Variants in SYNC observed in about 807,000 individuals in gnomAD.
SYNC encodes syncoilin, intermediate filament protein.
In SYNC, 38 loss-of-function variants were observed where a neutral mutation model predicts 49.5. That is an observed-to-expected ratio of 0.77 (90% CI 0.59 to 1.01). SYNC has a LOEUF of 1.01. SYNC is among the 50% of genes least tolerant of loss of function. The pLI, the probability that SYNC is intolerant of heterozygous loss-of-function variation, is 0.00. For missense variants in SYNC, 579 were observed against 580.6 expected (o/e 1.00, Z 0.03); for synonymous variants, 201 against 230.8 (o/e 0.87, Z 1.17).
intron 2 of SYNC, among the ~76,000 whole-genome samples, chr1:32,691,760 A>G (rs1650177950): frequency 6.6e-6 from 1 of 152,130 alleles, no homozygotes; most frequent in African/African-American, 2.4e-5. Flanking sequence ...CCTCAGGCTT[A>G]GCTCAGCTGA....
Position 32,681,981 on chromosome 1 carries a change from G to A in SYNC, c.1439-121C>T, listed in dbSNP as rs575511410. The A allele has an allele frequency of 1.0e-4, 88 of 849,714 alleles. 1 individual carries two copies. In the Admixed American group the frequency reaches 1.7e-3, roughly 16 times the overall value. The allele number at this position is 849,714 out of a possible 1,614,324, so 52.6% of individuals were successfully genotyped here. On this transcript the variant is annotated intron_variant, in intron 4 of 4. Transcript: ENST00000409190. ...GATGATCAGGGATGACTTTCCCCTA[G>A]CAAATATTTGGATGCCTCCTGTTTG...
intron 2 of SYNC, among the ~76,000 whole-genome samples, chr1:32,688,833 T>C (rs1650019977): frequency 6.6e-6 from 1 of 151,956 alleles, no homozygotes; most frequent in African/African-American, 2.4e-5. Flanking sequence ...CACTCGCCTC[T>C]GCCTCCCAAA....
At chr1:32,700,138 C>T (rs982590887) in intron 1 of SYNC, among the ~76,000 whole-genome samples, 4 of 152,150 alleles carry the variant, frequency 2.6e-5, no homozygotes, top group East Asian at 1.9e-4. Context: ...TCTAAGCCCA[C>T]GGTGTCCAGC....
At position 32,695,836 on chromosome 1, in the gene SYNC, C is replaced by T; in HGVS notation, c.262G>A (p.Ala88Thr). Residue 88 changes from alanine (A) to threonine (T), a missense_variant, in exon 2 of 5, where the codon GCC becomes ACC. Transcript: ENST00000409190. ...TGCAGAGCCTCATCTGGCTGCATGG[C>T]CTCCTCAATATACAGGGCCTCCTCT... ...KAEEALYIEE[A>T]MQPDEALHVE... The T allele has an allele frequency of 1.3e-6, 2 of 1,551,908 alleles. No individual in the cohort carries two copies. The highest frequency in any genetic ancestry group is 2.4e-5 in the South Asian group (2 of 84,056).
At chr1:32,687,856 T>TTATTATTATTATTATTA (rs1314721282) in intron 2 of SYNC, among the ~76,000 whole-genome samples, 4 of 9,358 alleles carry the variant, frequency 4.3e-4, no homozygotes, top group Non-Finnish European at 6.7e-3. Context: ...ATTATTATTA[T>TTATTATTATTATTATTA]TATTATTTTT....
chr1:32,684,258 T>G lies in SYNC; in HGVS notation c.1358A>C (p.Lys453Thr). The G allele has an allele frequency of 1.2e-6, 2 of 1,614,214 alleles. No homozygotes were observed. Among genetic ancestry groups the G allele is most frequent in the South Asian group, 2.2e-5 (2 of 91,088 alleles). ...GATTTGTATAGCAGCAGAAACTGACTTATAAGTAGAGAGCTCTTCAGCAAG... is the reference window on the plus strand; with the variant it reads ...GATTTGTATAGCAGCAGAAACTGACGTATAAGTAGAGAGCTCTTCAGCAAG... ...LSLAEELSTYKAMLLPKSLEQ... is the reference protein window; with the variant it reads ...LSLAEELSTYTAMLLPKSLEQ... The change falls in exon 3 of 5, where the codon AAG becomes ACG. Residue 453 changes from lysine (K) to threonine (T), a missense_variant and splice_region_variant. By Grantham distance (78) the Lys-to-Thr change is moderately conservative (BLOSUM62 -1). Transcript: ENST00000409190.
upstream of SYNC, chr1:32,702,937 C>T (rs1034206187): frequency 1.0e-4 from 17 of 165,090 alleles, no homozygotes; most frequent in Middle Eastern, 2.6e-3. This position sits in a 1 kb window ranked among gnomAD's most constrained non-coding sequence, Gnocchi z 6.2. Context: ...CCAGCCCCCT[C>T]GTCTTCCCGA....
chr1:32,693,560 A>C (rs564733878), intron 2 of SYNC, among the ~76,000 whole-genome samples: 1 of 152,362 alleles, frequency 6.6e-6, no homozygotes, highest in African/African-American at 2.4e-5. Context: ...AGTACTGCTT[A>C]GAGCACCACA....
chr1:32,680,180 C>A lies in SYNC; in HGVS notation c.*1670G>T. On this transcript the variant is annotated 3_prime_UTR_variant, in exon 5 of 5. Coordinates refer to ENST00000409190, the MANE Select transcript of SYNC (RefSeq NM_030786.3). Reference sequence around the variant, plus strand: ...TCGAAAATCTTGACACCTGACTTTCCAGGATGCACATTTTCATACGTAGAC... The same window carrying A: ...TCGAAAATCTTGACACCTGACTTTCAAGGATGCACATTTTCATACGTAGAC... The A allele has an allele frequency of 9.2e-7, 1 of 1,090,144 alleles. No individual in the cohort carries two copies. The highest frequency in any genetic ancestry group is 1.1e-6 in the Non-Finnish European group (1 of 897,782). The allele number at this position is 1,090,144 out of a possible 1,614,324, so 67.5% of individuals were successfully genotyped here. A position where few individuals can be genotyped will look rare whatever the true frequency, so the allele number is the denominator to read the frequency against.
intron 1 of SYNC, among the ~76,000 whole-genome samples, chr1:32,698,919 T>C (rs1650557173): frequency 6.6e-6 from 1 of 151,608 alleles, no homozygotes; most frequent in Admixed American, 6.6e-5. Flanking sequence ...TAGCCAGGAC[T>C]ACAGGCACGT....
intron 2 of SYNC, among the ~76,000 whole-genome samples, chr1:32,694,315 T>C (rs922826236): frequency 6.6e-6 from 1 of 151,346 alleles, no homozygotes; most frequent in Non-Finnish European, 1.5e-5. Flanking sequence ...GCTGTGATCA[T>C]GCCACTGCAC....
At chr1:32,689,942 A>C (rs866802627) in intron 2 of SYNC, among the ~76,000 whole-genome samples, 1,759 of 144,166 alleles carry the variant, frequency 0.012, 13 homozygotes, top group Middle Eastern at 0.025. Context: ...ACCGTCACAA[A>C]AAAAAAAAAA....
In SYNC at chr1:32,695,357, G is replaced by C. The variant is rs1325658016; in HGVS notation, c.741C>G (p.Phe247Leu). ...EEIRLVKQKL[F>L]KVTKECVAYQ... ...AGGCCACACATTCCTTTGTCACTTT[G>C]AAAAGCTTCTGCTTGACCAGCCGGA... is the stretch of plus-strand genomic sequence containing the variant. Residue 247 changes from phenylalanine (F) to leucine (L), a missense_variant, in exon 2 of 5, where the codon TTC becomes TTG. Phe to Leu is a conservative substitution (Grantham distance 22). Coordinates refer to ENST00000409190, the MANE Select transcript of SYNC (RefSeq NM_030786.3). The C allele has an allele frequency of 5.2e-6, 8 of 1,551,484 alleles. No homozygotes were observed. The highest frequency in any genetic ancestry group is 7.0e-6 in the Non-Finnish European group (8 of 1,147,056).
chr1:32,695,042 C>G lies in SYNC; in HGVS notation c.1056G>C (p.Glu352Asp). 1 of 1,613,756 alleles carries G rather than the reference C, an allele frequency of 6.2e-7. No individual in the cohort carries two copies. The highest frequency in any genetic ancestry group is 8.5e-7 in the Non-Finnish European group (1 of 1,179,978). ...GAGCTTTGGTCCCAGCTTCTTTCCTCTCTAGGAGCCGCAGGAACTGAGGCT... is the reference window on the plus strand; with the variant it reads ...GAGCTTTGGTCCCAGCTTCTTTCCTGTCTAGGAGCCGCAGGAACTGAGGCT... ...EYEPQFLRLL[E>D]RKEAGTKALQ... The change falls in exon 2 of 5, where the codon GAG becomes GAC. Residue 352 changes from glutamate to aspartate, a missense_variant. Glu to Asp is a conservative substitution (Grantham distance 45). Transcript: ENST00000409190.
Position 32,695,882 on chromosome 1 carries a change from A to G in SYNC, c.216T>C (p.Tyr72=). 6.4e-7 allele frequency: 1 copy of G among 1,552,116 alleles called. No individual in the cohort carries two copies. ...CCTCTGCCTTCTCAGTCTCTTGCAC[A>G]TAGAGTGTCTCATCAAGGTCACCTG... The part of the protein sequence containing the change: ...EDTGDLDETL[Y]VQETEKAEEA... The change falls in exon 2 of 5, where the codon TAT becomes TAC. Residue 72 remains tyrosine (Y), a synonymous_variant. Coordinates refer to ENST00000409190, the MANE Select transcript of SYNC (RefSeq NM_030786.3).
In SYNC at chr1:32,693,175, C is replaced by T. The variant is rs544377687; in HGVS notation, c.1233+1690G>A. 3.1e-3 allele frequency among the ~76,000 whole-genome samples: 476 copies of T among 151,416 alleles called. 4 individuals carry two copies. The highest frequency in any genetic ancestry group is 3.0e-3 in the Non-Finnish European group (205 of 67,832). On this transcript the variant is annotated intron_variant, in intron 2 of 4. Transcript: ENST00000409190. ...TCAGCTCACTGCAACCTCCGCCTCC[C>T]GGGTTCAAGCGATTCTCCTGCCTCA...
intron 2 of SYNC, chr1:32,684,769 TATAAA>T (rs1028306219): frequency 1.2e-5 from 2 of 160,026 alleles, no homozygotes; most frequent in African/African-American, 4.8e-5. Context: ...TTTTTAATAA[TATAAA>T]ATACTTAAGT....
chr1:32,697,616 A>T (rs1398502707), intron 1 of SYNC, among the ~76,000 whole-genome samples: 1 of 151,682 alleles, frequency 6.6e-6, no homozygotes, highest in African/African-American at 2.4e-5. Flanking sequence ...GTACACCTGT[A>T]GTCCCAGATA....
At chr1:32,689,460 T>G (rs1053802725) in intron 2 of SYNC, among the ~76,000 whole-genome samples, 3 of 151,522 alleles carry the variant, frequency 2.0e-5, no homozygotes, top group African/African-American at 7.3e-5. Flanking sequence ...AGGCTGGTCT[T>G]GAACTCCTGA....
Sources: allele counts gnomAD v4.1 joint callset (sites outside exome capture counted in the v4.1 genomes callset), GRCh38; gene constraint gnomAD v4.1.1; non-coding constraint Gnocchi (gnomAD v3.1); transcripts MANE v1.5; gene names NCBI Gene and HGNC (gene_info 2026-07-23, HGNC 2026-07-21).